The following HTR2B variants were observed in gnomAD, a reference collection of about 807,000 sequenced individuals.
HTR2B encodes 5-hydroxytryptamine receptor 2B, also known as 5-HT 2B receptor.
HTR2B carries 31 observed loss-of-function variants against 39.8 expected under a neutral mutation model. The observed-to-expected ratio is 0.78, with a 90% confidence interval of 0.58 to 1.05. HTR2B has a LOEUF of 1.05. HTR2B is among the 50% of genes least tolerant of loss of function. The pLI is 0.00. For synonymous variants in HTR2B, 210 were observed against 207.1 expected (o/e 1.01, Z -0.12); for missense variants, 562 against 578.0 (o/e 0.97, Z 0.28).
At chr2:231,119,593 AG>A (rs1483533780) in intron 2 of HTR2B, among the ~76,000 whole-genome samples, 1 of 152,102 alleles carries the variant, frequency 6.6e-6, no homozygotes, top group Non-Finnish European at 1.5e-5. Context: ...AGTTATAGCC[AG>A]GTTTGGTGGC....
Position 231,113,769 on chromosome 2 carries a change from T to C in HTR2B, c.513A>G (p.Thr171=), listed in dbSNP as rs754465784. 5.6e-6 allele frequency: 9 copies of C among 1,614,044 alleles called. No individual in the cohort carries two copies. Among genetic ancestry groups the C allele is most frequent in the Non-Finnish European group, 7.6e-6 (9 of 1,180,000 alleles). The change falls in exon 3 of 4, where the codon ACA becomes ACG. Residue 171 remains threonine, a synonymous_variant. Coordinates refer to ENST00000258400, the MANE Select transcript of HTR2B (RefSeq NM_000867.5). ...ACACCACTGTAATCTTGATGAATGC[T>C]GTAGCCCGTGAGTTATATTGATTGG... ...IQANQYNSRA[T]AFIKITVVWL...
intron 1 of HTR2B, 37 bp from the exon 2 acceptor site, chr2:231,124,167 A>G (rs905643319): frequency 2.6e-5 from 5 of 191,980 alleles, no homozygotes; most frequent in Non-Finnish European, 5.5e-5. Context: ...TATTTTATTC[A>G]TTTCTGAAAG....
chr2:231,111,929 G>A (rs774715707), intron 3 of HTR2B, among the ~76,000 whole-genome samples: 7 of 151,962 alleles, frequency 4.6e-5, no homozygotes, highest in South Asian at 2.1e-4. Context: ...TTGATCATCT[G>A]TGTATTCTTA....
intron 2 of HTR2B, among the ~76,000 whole-genome samples, chr2:231,121,277 T>G (rs1443168450): frequency 6.6e-6 from 1 of 152,172 alleles, no homozygotes; most frequent in Non-Finnish European, 1.5e-5. Flanking sequence ...CCTGTAATCC[T>G]AGCTACTTAA....
At chr2:231,124,405 A>G (rs925792542) in intron 1 of HTR2B, among the ~76,000 whole-genome samples, 2 of 152,180 alleles carry the variant, frequency 1.3e-5, no homozygotes, top group South Asian at 2.1e-4. Flanking sequence ...TCGAAACACA[A>G]TAGTTCAGAA....
At chr2:231,115,473 T>G (rs1206335719) in intron 2 of HTR2B, among the ~76,000 whole-genome samples, 3 of 152,104 alleles carry the variant, frequency 2.0e-5, no homozygotes. Context: ...AAAGAATAAA[T>G]GATTGGGACT....
At chr2:231,120,854 A>G (rs1366697274) in intron 2 of HTR2B, among the ~76,000 whole-genome samples, 2 of 152,236 alleles carry the variant, frequency 1.3e-5, no homozygotes, top group Non-Finnish European at 2.9e-5. Flanking sequence ...TTAACACTAC[A>G]ATAAGAGTGT....
intron 2 of HTR2B, among the ~76,000 whole-genome samples, chr2:231,119,651 A>G (rs147389642): frequency 0.012 from 1,870 of 152,158 alleles, 21 homozygotes; most frequent in Middle Eastern, 0.088. Context: ...CAGGTGGATC[A>G]CCTGAGGTCA....
chr2:231,110,065 T>C (rs1263899458), intron 3 of HTR2B, among the ~76,000 whole-genome samples: 1 of 152,248 alleles, frequency 6.6e-6, no homozygotes, highest in Non-Finnish European at 1.5e-5. Flanking sequence ...ATGCCTGTAA[T>C]TCCAGCACTT....
chr2:231,111,702 T>C (rs1462302468), intron 3 of HTR2B, among the ~76,000 whole-genome samples: 2 of 152,208 alleles, frequency 1.3e-5, no homozygotes, highest in Non-Finnish European at 2.9e-5. Flanking sequence ...AGAGCGTTGA[T>C]TTTGGCCTTG....
At chr2:231,119,017 G>C (rs1695441265) in intron 2 of HTR2B, among the ~76,000 whole-genome samples, 1 of 152,148 alleles carries the variant, frequency 6.6e-6, no homozygotes, top group Non-Finnish European at 1.5e-5. Context: ...TTGTTTAAAA[G>C]TTTCTGTTTT....
chr2:231,109,762 G>A (rs926252208), intron 3 of HTR2B, among the ~76,000 whole-genome samples: 13 of 152,114 alleles, frequency 8.5e-5, no homozygotes, highest in Non-Finnish European at 1.8e-4. Flanking sequence ...GAGAAATTCA[G>A]AAGAGAACCT....
chr2:231,124,166 C>T (rs1226507967), intron 1 of HTR2B, 36 bp from the exon 2 acceptor site: 1 of 191,360 alleles, frequency 5.2e-6, no homozygotes, highest in Non-Finnish European at 1.1e-5. Context: ...TTATTTTATT[C>T]ATTTCTGAAA....
intron 2 of HTR2B, among the ~76,000 whole-genome samples, chr2:231,117,966 G>C (rs915285213): frequency 1.3e-5 from 2 of 152,100 alleles, no homozygotes; most frequent in African/African-American, 4.8e-5. Flanking sequence ...TGGCTGGTCA[G>C]ATTTCTCATT....
At chr2:231,115,545 A>C (rs1695300727) in intron 2 of HTR2B, among the ~76,000 whole-genome samples, 1 of 152,182 alleles carries the variant, frequency 6.6e-6, no homozygotes, top group Admixed American at 6.5e-5. Flanking sequence ...AGGGTCATTC[A>C]TACTTTTCAG....
chr2:231,108,811 A>G lies in HTR2B; in HGVS notation c.1152T>C (p.Asn384=). 1 of 1,614,178 alleles carries G rather than the reference A, an allele frequency of 6.2e-7. No individual in the cohort carries two copies. ...GVNPLVYTLF[N]KTFRDAFGRY... Reference sequence around the variant, plus strand: ...GGCCAAATGCATCCCGAAATGTCTTATTGAAGAGGGTGTAGACCAAAGGAT... The same window carrying G: ...GGCCAAATGCATCCCGAAATGTCTTGTTGAAGAGGGTGTAGACCAAAGGAT... Residue 384 remains asparagine, a synonymous_variant, in exon 4 of 4, where the codon AAT becomes AAC. Transcript: ENST00000258400.
intron 3 of HTR2B, among the ~76,000 whole-genome samples, chr2:231,110,004 A>G (rs975864054): frequency 6.6e-6 from 1 of 152,176 alleles, no homozygotes; most frequent in African/African-American, 2.4e-5. Flanking sequence ...TTGAAAGATT[A>G]TGAGTTCTTA....
At chr2:231,116,684 TTAGCCTCACTTTAAAC>T (rs1695347356) in intron 2 of HTR2B, among the ~76,000 whole-genome samples, 1 of 152,088 alleles carries the variant, frequency 6.6e-6, no homozygotes, top group African/African-American at 2.4e-5. Flanking sequence ...TGAAGCCCTG[TTAGCCTCACTTTAAAC>T]AGAATTTATA....
intron 3 of HTR2B, among the ~76,000 whole-genome samples, chr2:231,112,702 T>C (rs902192421): frequency 6.6e-6 from 1 of 152,204 alleles, no homozygotes; most frequent in African/African-American, 2.4e-5. Flanking sequence ...TACTAACATA[T>C]AAGAGTTTTG....
Sources: allele counts gnomAD v4.1 joint callset (sites outside exome capture counted in the v4.1 genomes callset), GRCh38; gene constraint gnomAD v4.1.1; transcripts MANE v1.5; gene names NCBI Gene and HGNC (gene_info 2026-07-23, HGNC 2026-07-21).